ANKFN1: variants seen among roughly 807,000 people sequenced by gnomAD.
ANKFN1 encodes ankyrin repeat and fibronectin type III domain containing 1.
In ANKFN1, 74 loss-of-function variants were observed where a neutral mutation model predicts 108.7. That is an observed-to-expected ratio of 0.68 (90% CI 0.56 to 0.83). ANKFN1 has a LOEUF of 0.83. ANKFN1 is among the 40% of genes least tolerant of loss of function. The pLI is 0.00. For missense variants in ANKFN1, 1,505 were observed against 1,382.3 expected (o/e 1.09, Z -1.41); for synonymous variants, 547 against 516.2 (o/e 1.06, Z -0.81).
intron 20 of ANKFN1, among the ~76,000 whole-genome samples, chr17:56,504,192 C>G (rs545124354): frequency 5.9e-5 from 9 of 152,234 alleles, no homozygotes; most frequent in Non-Finnish European, 1.3e-4. Flanking sequence ...ATTCCCACTA[C>G]AGCAGTGTTT....
At chr17:56,278,878 A>ATATTTATT (rs2144229429) in intron 3 of ANKFN1, among the ~76,000 whole-genome samples, 1 of 152,356 alleles carries the variant, frequency 6.6e-6, no homozygotes, top group African/African-American at 2.4e-5. Context: ...TGAAACTACG[A>ATATTTATT]TATTTATTTT....
chr17:56,171,080 C>T (rs1017147762), intron 1 of ANKFN1, among the ~76,000 whole-genome samples: 1 of 151,834 alleles, frequency 6.6e-6, no homozygotes, highest in Non-Finnish European at 1.5e-5. Flanking sequence ...GAGTTAGAAA[C>T]TCAATGAGAG....
intron 11 of ANKFN1, among the ~76,000 whole-genome samples, chr17:56,453,824 G>C (rs9897995): frequency 0.011 from 1,698 of 150,252 alleles, 33 homozygotes; most frequent in African/African-American, 0.039. Flanking sequence ...TGAAGGTATT[G>C]TTTCATTGTT....
intron 3 of ANKFN1, among the ~76,000 whole-genome samples, chr17:56,296,300 A>G (rs566677736): frequency 6.6e-6 from 1 of 152,250 alleles, no homozygotes; most frequent in East Asian, 1.9e-4. Context: ...AGATTCTCCA[A>G]AAAAAAGTGA....
intron 18 of ANKFN1, among the ~76,000 whole-genome samples, chr17:56,483,657 T>C (rs2050777668): frequency 6.6e-6 from 1 of 152,160 alleles, no homozygotes; most frequent in Non-Finnish European, 1.5e-5. Context: ...TGGCAATTGC[T>C]TAACCTTTCT....
chr17:56,073,049 G>C (rs915125264), intron 4 of ANKFN1, among the ~76,000 whole-genome samples: 1 of 151,556 alleles, frequency 6.6e-6, no homozygotes, highest in Non-Finnish European at 1.5e-5. Flanking sequence ...CTGGAGTGCA[G>C]TGGCGGGATC....
chr17:56,154,431 G>A (rs920614501), intron 1 of ANKFN1, among the ~76,000 whole-genome samples: 1 of 152,044 alleles, frequency 6.6e-6, no homozygotes, highest in African/African-American at 2.4e-5. Flanking sequence ...TGCAAGTAAG[G>A]CATGAAAGGA....
chr17:56,316,760 C>A (rs1034461506), intron 3 of ANKFN1, among the ~76,000 whole-genome samples: 2 of 152,114 alleles, frequency 1.3e-5, no homozygotes, highest in Non-Finnish European at 2.9e-5. Context: ...TATCCAGATT[C>A]CTCACCCAAA....
chr17:56,094,816 A>G lies in ANKFN1; in HGVS notation c.288+48491A>G, dbSNP rs1228785096. ...ATTACAGGCATGAGCCATAGCGCCCAGCCTGTTTCTTCTATTAAATGGATT... is the reference window on the plus strand; with the variant it reads ...ATTACAGGCATGAGCCATAGCGCCCGGCCTGTTTCTTCTATTAAATGGATT... On this transcript the variant is annotated intron_variant, in intron 4 of 12. Coordinates refer to the ANKFN1 transcript ENST00000635860. Among the ~76,000 whole-genome samples the G allele has an allele frequency of 4.0e-5, 6 of 150,314 alleles. 1 individual carries two copies. The highest frequency in any genetic ancestry group is 1.3e-4 in the Admixed American group (2 of 15,016).
chr17:56,184,804 C>G (rs759602824), intron 1 of ANKFN1: 1 of 152,138 alleles, frequency 6.6e-6, no homozygotes, highest in South Asian at 2.1e-4. Context: ...AGAAATGAAG[C>G]GACACGTCCA....
chr17:56,242,723 AG>A (rs1333031428), intron 3 of ANKFN1, among the ~76,000 whole-genome samples: 88 of 152,242 alleles, frequency 5.8e-4, no homozygotes, highest in African/African-American at 1.9e-3. Context: ...GGATAATGAC[AG>A]CCATTCTTGA....
At chr17:56,121,538 G>A (rs893225654) in intron 4 of ANKFN1, among the ~76,000 whole-genome samples, 5 of 151,956 alleles carry the variant, frequency 3.3e-5, no homozygotes, top group African/African-American at 1.2e-4. Context: ...TTGCTCTCTT[G>A]TGTGTGATTC....
intron 8 of ANKFN1, among the ~76,000 whole-genome samples, chr17:56,389,854 A>G (rs1434511895): frequency 1.3e-5 from 2 of 152,230 alleles, no homozygotes; most frequent in East Asian, 3.9e-4. Context: ...CACACCTGCT[A>G]CATTACACAA....
intron 3 of ANKFN1, among the ~76,000 whole-genome samples, chr17:56,292,820 A>G (rs2044400645): frequency 6.6e-6 from 1 of 152,224 alleles, no homozygotes; most frequent in African/African-American, 2.4e-5. Flanking sequence ...TGCTGAGTCA[A>G]CAATAGGAAA....
intron 18 of ANKFN1, among the ~76,000 whole-genome samples, chr17:56,485,369 A>G (rs915721348): frequency 6.6e-6 from 1 of 152,238 alleles, no homozygotes. Context: ...CAGAGACCTA[A>G]TATTTCCAGG....
At chr17:56,509,036 G>C (rs1467698510) in intron 20 of ANKFN1, among the ~76,000 whole-genome samples, 1 of 152,188 alleles carries the variant, frequency 6.6e-6, no homozygotes, top group Admixed American at 6.5e-5. Context: ...ACCTTGAACA[G>C]ATCAGTGGAG....
chr17:56,350,645 A>T, intron 4 of ANKFN1, 121 bp from the exon 5 acceptor site: 1 of 903,006 alleles, frequency 1.1e-6, no homozygotes, highest in Non-Finnish European at 1.7e-6. Flanking sequence ...ATAATCTCTA[A>T]GGTCCCTACC....
At chr17:56,374,932 C>A (rs2144781722) in intron 8 of ANKFN1, among the ~76,000 whole-genome samples, 1 of 152,322 alleles carries the variant, frequency 6.6e-6, no homozygotes, top group East Asian at 1.9e-4. Flanking sequence ...ACCAGGCTGT[C>A]ATTTCAAGTC....
intron 6 of ANKFN1, among the ~76,000 whole-genome samples, chr17:56,363,640 A>G (rs1282567633): frequency 6.6e-6 from 1 of 152,218 alleles, no homozygotes; most frequent in African/African-American, 2.4e-5. Context: ...CTGCAGCACT[A>G]TTCACAATAG....
Sources: allele counts gnomAD v4.1 joint callset (sites outside exome capture counted in the v4.1 genomes callset), GRCh38; gene constraint gnomAD v4.1.1; transcripts MANE v1.5; gene names NCBI Gene and HGNC (gene_info 2026-07-23, HGNC 2026-07-21).